The following DCX variants were observed in gnomAD, a reference collection of about 807,000 sequenced individuals.
The protein encoded by DCX is doublecortin, also known as neuronal migration protein doublecortin.
Under a neutral mutation model 20.9 loss-of-function variants are expected in DCX, and 4 were observed. The ratio of observed to expected loss-of-function variants is 0.19; its 90% CI spans 0.09 to 0.44. The LOEUF is 0.44. DCX is among the 20% of genes least tolerant of loss of function. DCX has a pLI of 0.99. For missense variants in DCX, 133 were observed against 296.9 expected (o/e 0.45, Z 4.06); for synonymous variants, 103 against 111.4 (o/e 0.92, Z 0.47).
chrX:111,394,238 G>A (rs1263088559), intron 3 of DCX, among the ~76,000 whole-genome samples: 2 of 111,853 alleles, frequency 1.8e-5, no homozygotes, highest in Non-Finnish European at 3.8e-5. Context: ...CAGGCCAGGT[G>A]CAAAAAGCCA....
At chrX:111,352,191 C>T (rs1923364871) in intron 3 of DCX, among the ~76,000 whole-genome samples, 2 of 112,193 alleles carry the variant, frequency 1.8e-5, no homozygotes, top group African/African-American at 6.5e-5. Flanking sequence ...CTACAATGCA[C>T]AGGACAGCTC....
intron 3 of DCX, among the ~76,000 whole-genome samples, chrX:111,361,722 A>G (rs947271061): frequency 8.9e-6 from 1 of 112,421 alleles, no homozygotes; most frequent in South Asian, 3.7e-4. Context: ...CATTTCATTT[A>G]CAGTAAAATT....
chrX:111,302,909 T>C (rs1337399163), intron 6 of DCX, among the ~76,000 whole-genome samples: 1 of 111,851 alleles, frequency 8.9e-6, no homozygotes, highest in African/African-American at 3.2e-5. Context: ...CTTGTCTTTT[T>C]ACACACCTTC....
At chrX:111,318,712 T>G (rs1317421315) in intron 5 of DCX, among the ~76,000 whole-genome samples, 1 of 110,819 alleles carries the variant, frequency 9.0e-6, no homozygotes, top group Non-Finnish European at 1.9e-5. Context: ...ACCAAATACT[T>G]AATTTCCCAC....
intron 5 of DCX, among the ~76,000 whole-genome samples, chrX:111,321,013 A>G (rs1038900658): frequency 9.0e-6 from 1 of 111,371 alleles, no homozygotes; most frequent in Non-Finnish European, 1.9e-5. Context: ...CCTTCCTGTG[A>G]CAATTTTCTG....
At position 111,296,982 on chromosome X, in the gene DCX, T is replaced by A. The variant is rs1440855801; in HGVS notation, c.*4705A>T. On this transcript the variant is annotated 3_prime_UTR_variant, in exon 7 of 7. Coordinates refer to ENST00000636035, the MANE Select transcript of DCX (RefSeq NM_001195553.2). The stretch of plus-strand genomic sequence containing the variant: ...GAAAGGGAGGGAAGGCACCTTTTCC[T>A]GAAGGGATAGATGGGGCAACATTCT... 2 of 110,517 alleles carry A rather than the reference T, an allele frequency of 1.8e-5. No homozygotes were observed. Among genetic ancestry groups the A allele is most frequent in the African/African-American group, 6.6e-5 (2 of 30,339 alleles). The allele number at this position is 110,517 out of a possible 1,213,427, so 9.1% of individuals were successfully genotyped here.
chrX:111,342,137 G>A (rs1244799583), intron 3 of DCX, among the ~76,000 whole-genome samples: 3 of 96,368 alleles, frequency 3.1e-5, no homozygotes, highest in Admixed American at 1.2e-4. Context: ...TGCATCTCAC[G>A]TGCAAAGACA....
chrX:111,320,099 G>A (rs1212618470), intron 5 of DCX, among the ~76,000 whole-genome samples: 1 of 112,406 alleles, frequency 8.9e-6, no homozygotes, highest in Non-Finnish European at 1.9e-5. Flanking sequence ...CAGACACTTT[G>A]TCAGACGTTC....
intron 3 of DCX, among the ~76,000 whole-genome samples, chrX:111,397,439 C>T (rs969890150): frequency 2.7e-5 from 3 of 111,552 alleles, no homozygotes; most frequent in South Asian, 3.8e-4. Context: ...AGATTATATT[C>T]GCAAGCAGTA....
chrX:111,362,777 C>T (rs1294739214), intron 3 of DCX, among the ~76,000 whole-genome samples: 1 of 111,219 alleles, frequency 9.0e-6, no homozygotes, highest in Non-Finnish European at 1.9e-5. Context: ...AATGCCTTTC[C>T]CCATCCTCCT....
At chrX:111,339,976 GC>G (rs1032021200) in intron 3 of DCX, among the ~76,000 whole-genome samples, 1 of 112,527 alleles carries the variant, frequency 8.9e-6, no homozygotes, top group African/African-American at 3.2e-5. Flanking sequence ...TAGGCAGCAT[GC>G]CCTCCCCATG....
chrX:111,303,609 G>A (rs892502196), intron 6 of DCX, among the ~76,000 whole-genome samples: 7 of 111,768 alleles, frequency 6.3e-5, no homozygotes, highest in Non-Finnish European at 1.1e-4. Flanking sequence ...AGAAACCCGA[G>A]GTTTAACTCT....
At position 111,298,535 on chromosome X, in the gene DCX, C is replaced by T. The variant is rs2095026541; in HGVS notation, c.*3152G>A. ...GCAATACTACTTAGTGGGAAAAGGCCCTGGAATAAGAGCCAGGAGATGTGG... is the reference window on the plus strand; with the variant it reads ...GCAATACTACTTAGTGGGAAAAGGCTCTGGAATAAGAGCCAGGAGATGTGG... On this transcript the variant is annotated 3_prime_UTR_variant, in exon 7 of 7. Transcript: ENST00000636035. The T allele has an allele frequency of 1.8e-5, 2 of 111,504 alleles. No individual in the cohort carries two copies. The highest frequency in any genetic ancestry group is 4.0e-4 in the South Asian group (1 of 2,527). The allele number at this position is 111,504 out of a possible 1,213,427, so 9.2% of individuals were successfully genotyped here. A position where few individuals can be genotyped will look rare whatever the true frequency, so the allele number is the denominator to read the frequency against.
At chrX:111,316,449 C>T (rs979339332) in intron 5 of DCX, among the ~76,000 whole-genome samples, 3 of 110,803 alleles carry the variant, frequency 2.7e-5, no homozygotes, top group African/African-American at 9.9e-5. Flanking sequence ...CCAGGATGAT[C>T]TCGATCTCTT....
Position 111,369,154 on chromosome X carries a change from A to C in DCX, c.705+31836T>G, listed in dbSNP as rs1658300065. Reference sequence around the variant, plus strand: ...TTTCTGCCTGCTTTATATTCTAGCCATGCTGCCAGCTGATTAGATGGTGCC... The same window carrying C: ...TTTCTGCCTGCTTTATATTCTAGCCCTGCTGCCAGCTGATTAGATGGTGCC... On this transcript the variant is annotated intron_variant, in intron 3 of 6. Coordinates refer to ENST00000636035, the MANE Select transcript of DCX (RefSeq NM_001195553.2). 3.6e-5 allele frequency among the ~76,000 whole-genome samples: 4 copies of C among 110,842 alleles called. No homozygotes were observed. The Admixed American group carries it at 3.9e-4, about 11-fold the overall frequency.
intron 3 of DCX, among the ~76,000 whole-genome samples, chrX:111,389,690 C>A (rs148345185): frequency 0.031 from 3,436 of 111,387 alleles, 52 homozygotes; most frequent in Non-Finnish European, 0.047. Flanking sequence ...TGCACTCCAG[C>A]CTGGGCGACA....
intron 3 of DCX, among the ~76,000 whole-genome samples, chrX:111,339,217 T>C (rs1032447502): frequency 8.9e-6 from 1 of 111,860 alleles, no homozygotes; most frequent in Non-Finnish European, 1.9e-5. Context: ...GTTCCAAGGC[T>C]TTACACACTG....
chrX:111,304,935 A>T (rs899555121), intron 6 of DCX, among the ~76,000 whole-genome samples: 1 of 111,751 alleles, frequency 8.9e-6, no homozygotes, highest in Non-Finnish European at 1.9e-5. Context: ...GCCCTGTGCA[A>T]GCGGCAAGAG....
rs1327824060 is a variant in DCX at position 111,298,092 on chromosome X, G to A, written c.*3595C>T. On this transcript the variant is annotated 3_prime_UTR_variant, in exon 7 of 7. Transcript: ENST00000636035. Reference sequence around the variant, plus strand: ...ATCTCAGAAAGTTAGGATGAACAAAGCTATTGTTCCACTCTTTCTTTTTCT... The same window carrying A: ...ATCTCAGAAAGTTAGGATGAACAAAACTATTGTTCCACTCTTTCTTTTTCT... The A allele has an allele frequency of 9.0e-6, 1 of 111,691 alleles. No homozygotes were observed. Among genetic ancestry groups the A allele is most frequent in the Non-Finnish European group, 1.9e-5 (1 of 53,116 alleles). The allele number at this position is 111,691 out of a possible 1,213,427, so 9.2% of individuals were successfully genotyped here. A position where few individuals can be genotyped will look rare whatever the true frequency, so the allele number is the denominator to read the frequency against.
Sources: gnomAD v4.1 joint callset for allele counts (sites outside exome capture counted in the v4.1 genomes callset) on GRCh38, gnomAD v4.1.1 for gene constraint, MANE v1.5 for transcripts, NCBI Gene and HGNC (gene_info 2026-07-23, HGNC 2026-07-21) for gene names.